Variants in PPARGC1A observed in about 807,000 individuals in gnomAD.
PPARGC1A encodes the protein peroxisome proliferator-activated receptor gamma coactivator 1-alpha.
Under a neutral mutation model 88.7 loss-of-function variants are expected in PPARGC1A, and 25 were observed. The ratio of observed to expected loss-of-function variants is 0.28; its 90% CI spans 0.21 to 0.39. PPARGC1A has a LOEUF of 0.39. PPARGC1A is among the 10% of genes least tolerant of loss of function. The pLI is 1.00. For missense variants in PPARGC1A, 880 were observed against 968.7 expected (o/e 0.91, Z 1.22); for synonymous variants, 363 against 355.6 (o/e 1.02, Z -0.24).
chr4:24,050,703 G>C, the PPARGC1A span, among the ~76,000 whole-genome samples: 1 of 152,078 alleles, frequency 6.6e-6, no homozygotes, highest in Non-Finnish European at 1.5e-5. Context: ...GTTGCTTCAA[G>C]GAAATATTTT....
intron 10 of PPARGC1A, among the ~76,000 whole-genome samples, chr4:23,805,648 C>A (rs1719666305): frequency 6.6e-6 from 1 of 152,152 alleles, no homozygotes; most frequent in African/African-American, 2.4e-5. Flanking sequence ...TCTGTTTATG[C>A]AGCCAGCTCT....
the PPARGC1A span, among the ~76,000 whole-genome samples, chr4:24,316,326 A>T: frequency 1.0e-3 from 154 of 152,344 alleles, no homozygotes; most frequent in Admixed American, 8.5e-3. Context: ...CTGGCTCAGT[A>T]TAGGGTCCAC....
chr4:24,043,489 C>T, the PPARGC1A span, among the ~76,000 whole-genome samples: 4 of 152,050 alleles, frequency 2.6e-5, no homozygotes, highest in African/African-American at 9.7e-5. Context: ...ATCCTCATTC[C>T]CTGGAGGATC....
chr4:23,905,664 T>A (rs1719948095), upstream of PPARGC1A, among the ~76,000 whole-genome samples: 1 of 152,222 alleles, frequency 6.6e-6, no homozygotes, highest in South Asian at 2.1e-4. Context: ...CTGTAGATTA[T>A]CTCATTTAAT....
chr4:24,199,218 G>GC, the PPARGC1A span, among the ~76,000 whole-genome samples: 2 of 152,152 alleles, frequency 1.3e-5, no homozygotes, highest in Non-Finnish European at 2.9e-5. Flanking sequence ...GGCAGGTTTT[G>GC]TTGGATTAGC....
At chr4:23,810,224 G>A (rs1455413530) in intron 10 of PPARGC1A, among the ~76,000 whole-genome samples, 8 of 152,108 alleles carry the variant, frequency 5.3e-5, no homozygotes, top group Non-Finnish European at 1.0e-4. Context: ...CTATGTTCTA[G>A]GTTTCCTTCA....
At chr4:23,833,861 A>G (rs746504386) in intron 2 of PPARGC1A, among the ~76,000 whole-genome samples, 1 of 152,156 alleles carries the variant, frequency 6.6e-6, no homozygotes. Context: ...GGTGTGTCTG[A>G]AGTTTAAAAC....
chr4:23,873,220 AAAAT>A lies in PPARGC1A; in HGVS notation c.234+11528_234+11531del, dbSNP rs1284813840. Among the ~76,000 whole-genome samples the A allele has an allele frequency of 2.8e-4, 41 of 144,292 alleles. 5 individuals are homozygous for A. Among genetic ancestry groups the A allele is most frequent in the South Asian group, 1.3e-3 (6 of 4,638 alleles). 94.7% of individuals were successfully genotyped at this position (144,292 alleles called of 152,430 possible). On this transcript the variant is annotated intron_variant, in intron 2 of 12. Coordinates refer to ENST00000264867, the MANE Select transcript of PPARGC1A (RefSeq NM_013261.5). Reference sequence around the variant, plus strand: ...CTCAAAAATAAAAAATAAAAAATAAAAAATAAAGAAAAAAATGTGACCAGCCATA... The same window carrying A: ...CTCAAAAATAAAAAATAAAAAATAAAAAAGAAAAAAATGTGACCAGCCATA...
intron 5 of PPARGC1A, among the ~76,000 whole-genome samples, chr4:23,826,663 A>C (rs535640432): frequency 1.9e-4 from 29 of 150,680 alleles, no homozygotes; most frequent in Non-Finnish European, 4.4e-5. Context: ...ATTAGTTCTT[A>C]CTTGTCAGCC....
At chr4:23,974,701 C>G in the PPARGC1A span, among the ~76,000 whole-genome samples, 1 of 151,238 alleles carries the variant, frequency 6.6e-6, no homozygotes, top group South Asian at 2.1e-4. Flanking sequence ...GGCGTGATCT[C>G]CGGTCACTGC....
the PPARGC1A span, among the ~76,000 whole-genome samples, chr4:24,413,311 G>A: frequency 1.1e-4 from 16 of 146,970 alleles, no homozygotes; most frequent in African/African-American, 3.8e-4. Context: ...TAAAAGCAAC[G>A]CAGAATGAAT....
At chr4:23,984,520 C>T in the PPARGC1A span, among the ~76,000 whole-genome samples, 1 of 151,272 alleles carries the variant, frequency 6.6e-6, no homozygotes, top group Non-Finnish European at 1.5e-5. Context: ...AGTAATTAAA[C>T]TAATAAAAAA....
chr4:24,222,273 C>T, the PPARGC1A span, among the ~76,000 whole-genome samples: 7 of 152,226 alleles, frequency 4.6e-5, no homozygotes, highest in African/African-American at 1.4e-4. Context: ...CTGTGCATTA[C>T]GCTTGTGAGA....
the PPARGC1A span, among the ~76,000 whole-genome samples, chr4:24,472,793 CGTGTGT>C: frequency 1.3e-5 from 2 of 150,252 alleles, no homozygotes; most frequent in African/African-American, 2.5e-5. This position sits in a 1 kb window ranked among gnomAD's most constrained non-coding sequence, Gnocchi z 4.5. Flanking sequence ...TGTGCGTGTG[CGTGTGT>C]GTGGTGTGTG....
chr4:24,021,057 G>A, the PPARGC1A span, among the ~76,000 whole-genome samples: 15 of 152,182 alleles, frequency 9.9e-5, no homozygotes, highest in African/African-American at 3.1e-4. Flanking sequence ...GGGCATGAAA[G>A]CCCTTCGTGA....
At chr4:24,090,355 G>A in the PPARGC1A span, among the ~76,000 whole-genome samples, 1 of 152,116 alleles carries the variant, frequency 6.6e-6, no homozygotes, top group East Asian at 1.9e-4. Context: ...GCTAGAGGGT[G>A]TTTTTTTCTG....
At chr4:23,868,194 C>T (rs920814560) in intron 2 of PPARGC1A, among the ~76,000 whole-genome samples, 3 of 152,130 alleles carry the variant, frequency 2.0e-5, no homozygotes, top group African/African-American at 4.8e-5. Context: ...CGCCTTTACC[C>T]GCCAATGCAC....
chr4:23,917,170 G>C, the PPARGC1A span, among the ~76,000 whole-genome samples: 1 of 152,254 alleles, frequency 6.6e-6, no homozygotes, highest in South Asian at 2.1e-4. Context: ...GAAGCAATTG[G>C]AACAGGCAGT....
chr4:24,322,739 A>G, the PPARGC1A span, among the ~76,000 whole-genome samples: 4 of 152,164 alleles, frequency 2.6e-5, no homozygotes, highest in African/African-American at 9.7e-5. Flanking sequence ...AGCATGCACT[A>G]TGACTCAGGG....
Sources: gnomAD v4.1 joint callset for allele counts (sites outside exome capture counted in the v4.1 genomes callset) on GRCh38, gnomAD v4.1.1 for gene constraint, Gnocchi (gnomAD v3.1) non-coding constraint, MANE v1.5 for transcripts, NCBI Gene and HGNC (gene_info 2026-07-23, HGNC 2026-07-21) for gene names.